MPZL1: variants seen among roughly 807,000 people sequenced by gnomAD.
MPZL1 encodes myelin protein zero-like protein 1.
Under a neutral mutation model 29.3 loss-of-function variants are expected in MPZL1, and 16 were observed. The observed-to-expected ratio is 0.55, with a 90% CI of 0.37 to 0.83. The LOEUF is 0.83. Ranked by LOEUF, MPZL1 falls within the 40% of genes least tolerant of loss-of-function variation. The pLI, the probability that MPZL1 is intolerant of heterozygous loss-of-function variation, is 0.00. For missense variants in MPZL1, 279 were observed against 332.9 expected (o/e 0.84, Z 1.26); for synonymous variants, 143 against 132.0 (o/e 1.08, Z -0.57).
intron 1 of MPZL1, among the ~76,000 whole-genome samples, chr1:167,752,356 CAAT>C (rs956461986): frequency 1.3e-5 from 2 of 152,144 alleles, no homozygotes; most frequent in Non-Finnish European, 2.9e-5. Flanking sequence ...GCATAAATAA[CAAT>C]AAGATACAGA....
In MPZL1 at chr1:167,736,683, C is replaced by T. The variant is rs1487808265; in HGVS notation, c.91+14441C>T. Among the ~76,000 whole-genome samples the T allele has an allele frequency of 2.6e-5, 4 of 152,144 alleles. 1 individual carries two copies. Among genetic ancestry groups the T allele is most frequent in the Non-Finnish European group, 5.9e-5 (4 of 68,036 alleles). ...TACCTTTTATTTCTGAACCCACTCC[C>T]TCCTTTCCATTGTCCCAGGACAAAT... On this transcript the variant is annotated intron_variant, in intron 1 of 5. Coordinates refer to ENST00000359523, the MANE Select transcript of MPZL1 (RefSeq NM_003953.6).
chr1:167,731,029 A>G (rs898436090), intron 1 of MPZL1, among the ~76,000 whole-genome samples: 1 of 152,170 alleles, frequency 6.6e-6, no homozygotes, highest in Non-Finnish European at 1.5e-5. Context: ...GCAAATTTAG[A>G]AGAACTGCAG....
At chr1:167,743,767 A>G (rs887450043) in intron 1 of MPZL1, among the ~76,000 whole-genome samples, 1 of 152,074 alleles carries the variant, frequency 6.6e-6, no homozygotes, top group Non-Finnish European at 1.5e-5. Flanking sequence ...TTGCATCTGG[A>G]AACTGCTGAA....
At chr1:167,782,745 C>A (rs1456599800) in intron 5 of MPZL1, among the ~76,000 whole-genome samples, 1 of 151,934 alleles carries the variant, frequency 6.6e-6, no homozygotes, top group Non-Finnish European at 1.5e-5. Flanking sequence ...TCCATTGTAA[C>A]CATAAAGGTC....
At chr1:167,770,432 C>T (rs1661214436) in intron 2 of MPZL1, among the ~76,000 whole-genome samples, 1 of 152,212 alleles carries the variant, frequency 6.6e-6, no homozygotes, top group Non-Finnish European at 1.5e-5. Context: ...AGTTCCTTTG[C>T]TGAAAGCAGG....
At position 167,776,069 on chromosome 1, in the gene MPZL1, G is replaced by A; in HGVS notation, c.611G>A (p.Ser204Asn). ...KNSKRDYTGC[S>N]TSESLSPVKQ... ...TCAAATTGCCAATTCATCAGCTGCA[G>A]TACATCAGAGAGTTTGTCACCAGTT... is the stretch of plus-strand genomic sequence containing the variant. The change falls in exon 5 of 6, where the codon AGT (serine) becomes AAT (asparagine). Residue 204 changes from serine (S) to asparagine (N), a missense_variant. Physicochemically the swap from Ser to Asn is conservative, Grantham distance 46 (BLOSUM62 1). Transcript: ENST00000359523. The A allele has an allele frequency of 2.5e-6, 4 of 1,603,910 alleles. No individual in the cohort carries two copies. The highest frequency in any genetic ancestry group is 3.4e-6 in the Non-Finnish European group (4 of 1,174,114).
intron 1 of MPZL1, 64 bp downstream of exon 1, chr1:167,722,306 A>C (rs900150466): frequency 8.1e-7 from 1 of 1,231,302 alleles, no homozygotes; most frequent in South Asian, 4.1e-5. Flanking sequence ...ACACACGCCC[A>C]TCGCGGCGGT....
intron 1 of MPZL1, among the ~76,000 whole-genome samples, chr1:167,737,776 A>G (rs1660405500): frequency 6.6e-6 from 1 of 152,172 alleles, no homozygotes; most frequent in Non-Finnish European, 1.5e-5. Flanking sequence ...CACTTTAGAT[A>G]TGAGGATATG....
rs1661683242 is a variant in MPZL1 at position 167,790,384 on chromosome 1, C to A, written c.*2463C>A. 2 of 152,426 alleles carry A rather than the reference C, an allele frequency of 1.3e-5. No homozygotes were observed. Among genetic ancestry groups the A allele is most frequent in the African/African-American group, 4.8e-5 (2 of 41,572 alleles). 9.4% of individuals were successfully genotyped at this position (152,426 alleles called of 1,614,324 possible). A position where few individuals can be genotyped will look rare whatever the true frequency, so the allele number is the denominator to read the frequency against. Reference sequence around the variant, plus strand: ...TCCTCACCAGTTCTCACCAACCTTCCCCCCAGGCAAGGGCAGCTGCCAGCA... The same window carrying A: ...TCCTCACCAGTTCTCACCAACCTTCACCCCAGGCAAGGGCAGCTGCCAGCA... On this transcript the variant is annotated 3_prime_UTR_variant, in exon 6 of 6. Coordinates refer to ENST00000359523, the MANE Select transcript of MPZL1 (RefSeq NM_003953.6).
At chr1:167,754,707 G>A (rs1444173654) in intron 1 of MPZL1, among the ~76,000 whole-genome samples, 1 of 152,160 alleles carries the variant, frequency 6.6e-6, no homozygotes, top group African/African-American at 2.4e-5. Context: ...TAATAGCATC[G>A]TAAGTGAAGT....
intron 3 of MPZL1, 51 bp from the exon 4 acceptor site, chr1:167,773,185 T>C (rs1474077149): frequency 2.6e-6 from 4 of 1,549,188 alleles, no homozygotes; most frequent in Non-Finnish European, 3.5e-6. Flanking sequence ...AAATTCCATG[T>C]TTTCTCTCTG....
At chr1:167,771,135 C>T (rs1661238499) in intron 2 of MPZL1, among the ~76,000 whole-genome samples, 1 of 151,944 alleles carries the variant, frequency 6.6e-6, no homozygotes, top group African/African-American at 2.4e-5. Flanking sequence ...GCAGAGGTCC[C>T]TGCGGCCTTC....
At position 167,742,745 on chromosome 1, in the gene MPZL1, T is replaced by C. The variant is rs531037634; in HGVS notation, c.91+20503T>C. 2.0e-5 allele frequency among the ~76,000 whole-genome samples: 3 copies of C among 152,264 alleles called. No individual in the cohort carries two copies. In the East Asian group the frequency reaches 5.8e-4, roughly 29 times the overall value. ...TAGAAGGGTTTTTCCAATGTTCTCT[T>C]CTAGAATTTTTATAGTTTCAGGTCT... On this transcript the variant is annotated intron_variant, in intron 1 of 5. Transcript: ENST00000359523.
intron 4 of MPZL1, 82 bp downstream of exon 4, chr1:167,773,450 G>T (rs2101790842): frequency 7.0e-7 from 1 of 1,438,708 alleles, no homozygotes; most frequent in Non-Finnish European, 9.3e-7. Context: ...ATGAAAAAAG[G>T]ATTTTAAAGA....
In MPZL1 at chr1:167,757,988, T is replaced by TA. The variant is rs1258044365; in HGVS notation, c.92-7587dup. 2.6e-5 allele frequency among the ~76,000 whole-genome samples: 4 copies of TA among 151,382 alleles called. No homozygotes were observed. The East Asian group carries it at 7.8e-4, about 29-fold the overall frequency. On this transcript the variant is annotated intron_variant, in intron 1 of 5. Coordinates refer to ENST00000359523, the MANE Select transcript of MPZL1 (RefSeq NM_003953.6). The stretch of plus-strand genomic sequence containing the variant: ...AACATGGTAAAACCCTGTCTCTACT[T>TA]AAAAAAAATAGAAAAATTATCTAGG...
In MPZL1 at chr1:167,729,161, T is replaced by C. The variant is rs372987742; in HGVS notation, c.91+6919T>C. ...GGCGCACACCTATAATCCCAGCCAC[T>C]TGGGAGGCTGAGGCATGAGAATCGC... On this transcript the variant is annotated intron_variant, in intron 1 of 5. Transcript: ENST00000359523. Among the ~76,000 whole-genome samples the C allele has an allele frequency of 5.9e-5, 9 of 151,930 alleles. No homozygotes were observed. In the South Asian group the frequency reaches 1.9e-3, roughly 32 times the overall value.
intron 1 of MPZL1, among the ~76,000 whole-genome samples, chr1:167,751,079 T>C (rs1456677379): frequency 1.3e-5 from 2 of 152,232 alleles, no homozygotes; most frequent in African/African-American, 2.4e-5. Flanking sequence ...GCTGGTGATG[T>C]TGACTTTGAT....
At chr1:167,782,998 TG>T (rs1347696650) in intron 5 of MPZL1, among the ~76,000 whole-genome samples, 1 of 152,228 alleles carries the variant, frequency 6.6e-6, no homozygotes, top group Admixed American at 6.5e-5. Flanking sequence ...ATAATTAATA[TG>T]TTTTTAACAC....
intron 2 of MPZL1, among the ~76,000 whole-genome samples, chr1:167,769,360 C>T (rs1014723867): frequency 1.1e-4 from 17 of 152,246 alleles, no homozygotes; most frequent in Non-Finnish European, 2.4e-4. Context: ...AAGGTAGTGT[C>T]TCCTTTCAGG....
Sources: allele counts gnomAD v4.1 joint callset (sites outside exome capture counted in the v4.1 genomes callset), GRCh38; gene constraint gnomAD v4.1.1; transcripts MANE v1.5; gene names NCBI Gene and HGNC (gene_info 2026-07-23, HGNC 2026-07-21).